ZNF804A: variants seen among roughly 807,000 people sequenced by gnomAD.
ZNF804A encodes zinc finger protein 804A.
In ZNF804A, 2 loss-of-function variants were observed where a neutral mutation model predicts 16.5. That is an observed-to-expected ratio of 0.12 (90% CI 0.05 to 0.38). The LOEUF is 0.38. Among genes scored for constraint, ZNF804A ranks in the 10% least tolerant of loss-of-function variants. The pLI, the probability that ZNF804A is intolerant of heterozygous loss-of-function variation, is 0.99. For synonymous variants in ZNF804A, 534 were observed against 489.6 expected, an observed-to-expected ratio of 1.09 and a Z score of -1.20; for missense variants, 1,473 against 1,390.7, an observed-to-expected ratio of 1.06 and a Z score of -0.94.
intron 1 of ZNF804A, among the ~76,000 whole-genome samples, chr2:184,751,012 C>A (rs1693869519): frequency 6.6e-6 from 1 of 151,270 alleles, no homozygotes; most frequent in South Asian, 2.1e-4. Context: ...AAGGATATTC[C>A]CCTGTTTTTA....
chr2:184,854,551 A>G (rs1231907182), intron 1 of ZNF804A, among the ~76,000 whole-genome samples: 2 of 152,004 alleles, frequency 1.3e-5, no homozygotes, highest in African/African-American at 2.4e-5. Context: ...AGATTTTTCT[A>G]TAGTTAACAG....
chr2:184,634,944 A>G (rs1385598704), intron 1 of ZNF804A, among the ~76,000 whole-genome samples: 1 of 151,402 alleles, frequency 6.6e-6, no homozygotes, highest in Non-Finnish European at 1.5e-5. Flanking sequence ...GAAATTTTGC[A>G]TTGCTAATTT....
intron 1 of ZNF804A, among the ~76,000 whole-genome samples, chr2:184,833,266 A>G (rs1033355860): frequency 1.3e-5 from 2 of 151,914 alleles, no homozygotes; most frequent in African/African-American, 4.8e-5. Context: ...TTTTTGGATT[A>G]TACATTATTA....
rs111227736 is a variant in ZNF804A at position 184,756,031 on chromosome 2, T to C, written c.112-110338T>C. On this transcript the variant is annotated intron_variant, in intron 1 of 3. Coordinates refer to ENST00000302277, the MANE Select transcript of ZNF804A (RefSeq NM_194250.2). ...GTTTCTAACCCTTGCAAAAACAAAC[T>C]GTATGAACACAAGTAAATATTGGCT... is the stretch of plus-strand genomic sequence containing the variant. Among the ~76,000 whole-genome samples, 1,230 of 152,144 alleles carry C rather than the reference T, an allele frequency of 8.1e-3. 12 individuals carry two copies. Among genetic ancestry groups the C allele is most frequent in the Non-Finnish European group, 0.011 (781 of 67,960 alleles).
chr2:184,886,459 C>T (rs1382048365), intron 2 of ZNF804A, among the ~76,000 whole-genome samples: 2 of 152,192 alleles, frequency 1.3e-5, no homozygotes, highest in South Asian at 2.1e-4. Context: ...GCCCTCCTCT[C>T]ACAGCTCCAC....
chr2:184,722,845 G>T (rs1470225189), intron 1 of ZNF804A, among the ~76,000 whole-genome samples: 1 of 151,948 alleles, frequency 6.6e-6, no homozygotes, highest in Non-Finnish European at 1.5e-5. Flanking sequence ...CTCTGACATT[G>T]ATGGAGATCA....
chr2:184,830,619 G>T (rs2105795441), intron 1 of ZNF804A, among the ~76,000 whole-genome samples: 1 of 152,238 alleles, frequency 6.6e-6, no homozygotes, highest in East Asian at 1.9e-4. Flanking sequence ...TTAGTAAGCA[G>T]ACAAGTAACT....
intron 1 of ZNF804A, among the ~76,000 whole-genome samples, chr2:184,756,536 T>C (rs560890185): frequency 4.6e-5 from 7 of 152,052 alleles, no homozygotes; most frequent in Non-Finnish European, 8.8e-5. Flanking sequence ...CAATGTTACT[T>C]TTCTTCAATT....
At chr2:184,725,779 C>CCTT (rs1279217399) in intron 1 of ZNF804A, among the ~76,000 whole-genome samples, 3 of 151,300 alleles carry the variant, frequency 2.0e-5, no homozygotes, top group Non-Finnish European at 4.4e-5. Context: ...CCCTTTATCC[C>CCTT]CTTTATAGTC....
At chr2:184,840,388 C>CA (rs886377627) in intron 1 of ZNF804A, among the ~76,000 whole-genome samples, 77 of 146,094 alleles carry the variant, frequency 5.3e-4, no homozygotes, top group African/African-American at 1.4e-3. Context: ...TGTCTCAAAA[C>CA]AAAAAAAAAA....
Position 184,936,139 on chromosome 2 carries a change from G to A in ZNF804A, c.743G>A (p.Arg248Lys). Reference protein sequence around the residue: ...DDASVGKGFSRKSRFVPSACH... With the variant: ...DDASVGKGFSKKSRFVPSACH... ...GCCTCAGTGGGAAAAGGATTTAGCA[G>A]AAAAAGTAGATTTGTCCCCAGTGCT... Residue 248 changes from arginine to lysine, a missense_variant, in exon 4 of 4, where the codon AGA becomes AAA. Physicochemically the swap from Arg to Lys is conservative, Grantham distance 26 (BLOSUM62 2). Coordinates refer to ENST00000302277, the MANE Select transcript of ZNF804A (RefSeq NM_194250.2). 6.2e-7 allele frequency: 1 copy of A among 1,614,026 alleles called. No homozygotes were observed. The highest frequency in any genetic ancestry group is 8.5e-7 in the Non-Finnish European group (1 of 1,179,940).
At chr2:184,729,262 A>G (rs1559136588) in intron 1 of ZNF804A, among the ~76,000 whole-genome samples, 1 of 151,950 alleles carries the variant, frequency 6.6e-6, no homozygotes, top group African/African-American at 2.4e-5. Flanking sequence ...ATATATATAT[A>G]TTAAAAATCA....
chr2:184,886,330 G>A (rs1256946781), intron 2 of ZNF804A, among the ~76,000 whole-genome samples: 1 of 152,202 alleles, frequency 6.6e-6, no homozygotes, highest in African/African-American at 2.4e-5. Context: ...CTGTGGCTTT[G>A]TTGGGTACAG....
chr2:184,783,239 G>A (rs573878051), intron 1 of ZNF804A, among the ~76,000 whole-genome samples: 7 of 145,260 alleles, frequency 4.8e-5, no homozygotes, highest in South Asian at 2.3e-4. Context: ...AGGATACAGC[G>A]GGTAGGCAAC....
At chr2:184,782,767 A>ATTT (rs369282860) in intron 1 of ZNF804A, among the ~76,000 whole-genome samples, 1 of 133,514 alleles carries the variant, frequency 7.5e-6, no homozygotes, top group Admixed American at 7.7e-5. Context: ...TCCAGTAAGG[A>ATTT]TTTTTTTTTT....
At chr2:184,618,971 G>A (rs982607826) in intron 1 of ZNF804A, among the ~76,000 whole-genome samples, 1 of 151,978 alleles carries the variant, frequency 6.6e-6, no homozygotes, top group African/African-American at 2.4e-5. Context: ...TAAAAAGATC[G>A]GGGGCCTTTT....
At chr2:184,723,211 G>C (rs1348154804) in intron 1 of ZNF804A, among the ~76,000 whole-genome samples, 1 of 151,588 alleles carries the variant, frequency 6.6e-6, no homozygotes, top group African/African-American at 2.4e-5. Context: ...TATGCTTAAA[G>C]CAATGATATA....
At chr2:184,607,968 C>T (rs1252651112) in intron 1 of ZNF804A, among the ~76,000 whole-genome samples, 6 of 50,454 alleles carry the variant, frequency 1.2e-4, no homozygotes, top group Admixed American at 3.5e-4. Context: ...TTTTTTGAGA[C>T]GGAGTCTCGC....
chr2:184,638,742 G>GA (rs1691743303), intron 1 of ZNF804A, among the ~76,000 whole-genome samples: 2 of 151,998 alleles, frequency 1.3e-5, no homozygotes, highest in South Asian at 4.1e-4. Flanking sequence ...TATTTTGTGA[G>GA]AAAAAAGAAT....
Sources: allele counts gnomAD v4.1 joint callset (sites outside exome capture counted in the v4.1 genomes callset), GRCh38; gene constraint gnomAD v4.1.1; transcripts MANE v1.5; gene names NCBI Gene and HGNC (gene_info 2026-07-23, HGNC 2026-07-21).